Variants in UGP2 observed in about 807,000 individuals in gnomAD.
UGP2 encodes the protein UDP-glucose pyrophosphorylase 2.
Under a neutral mutation model 49.0 loss-of-function variants are expected in UGP2, and 40 were observed. The ratio of observed to expected loss-of-function variants is 0.82; its 90% CI spans 0.63 to 1.06. The LOEUF (loss-of-function observed/expected upper bound fraction) is 1.06. Among genes scored for constraint, UGP2 ranks in the 50% least tolerant of loss-of-function variants. The pLI is 0.00. For synonymous variants in UGP2, 225 were observed against 213.0 expected, an observed-to-expected ratio of 1.06 and a Z score of -0.49; for missense variants, 460 against 603.5, an observed-to-expected ratio of 0.76 and a Z score of 2.49.
intron 3 of UGP2, among the ~76,000 whole-genome samples, chr2:63,877,612 G>T (rs1670992359): frequency 6.6e-6 from 1 of 152,178 alleles, no homozygotes; most frequent in African/African-American, 2.4e-5. Flanking sequence ...GTGTGTCTCT[G>T]AACATCAGTT....
intron 3 of UGP2, among the ~76,000 whole-genome samples, chr2:63,870,763 G>A (rs898269673): frequency 6.6e-6 from 1 of 152,174 alleles, no homozygotes; most frequent in Non-Finnish European, 1.5e-5. Context: ...AATATGGTGG[G>A]GAGTATCAGG....
Position 63,891,229 on chromosome 2 carries a change from A to G in UGP2, c.*2A>G. 1.6e-5 allele frequency: 26 copies of G among 1,609,876 alleles called. No homozygotes were observed. The highest frequency in any genetic ancestry group is 2.2e-5 in the Non-Finnish European group (26 of 1,176,620). On this transcript the variant is annotated 3_prime_UTR_variant, in exon 10 of 10. Transcript: ENST00000337130. ...AACCTTCGCATCTTGGACCACTGAAATGAAAAATACTGTGGACACTTAAAT... is the reference window on the plus strand; with the variant it reads ...AACCTTCGCATCTTGGACCACTGAAGTGAAAAATACTGTGGACACTTAAAT...
intron 3 of UGP2, chr2:63,862,926 C>T (rs1369274926): frequency 2.2e-6 from 1 of 451,104 alleles, no homozygotes; most frequent in Non-Finnish European, 4.4e-6. Flanking sequence ...GTGACGTAAG[C>T]AGGTTGGTAT....
intron 9 of UGP2, among the ~76,000 whole-genome samples, 193 bp from the exon 10 acceptor site, chr2:63,890,927 A>G (rs1672098116): frequency 6.6e-6 from 1 of 152,160 alleles, no homozygotes; most frequent in South Asian, 2.1e-4. Context: ...ATCTAGAACT[A>G]CTGCCAGGAT....
chr2:63,887,772 T>C (rs943021149), intron 8 of UGP2, 128 bp downstream of exon 8: 24 of 1,245,684 alleles, frequency 1.9e-5, no homozygotes, highest in Admixed American at 1.2e-4. Context: ...CTGTCTTTGA[T>C]ACCTTTTAAA....
intron 1 of UGP2, among the ~76,000 whole-genome samples, chr2:63,843,797 C>CTAAA (rs1257826081): frequency 6.6e-6 from 1 of 152,214 alleles, no homozygotes; most frequent in African/African-American, 2.4e-5. Flanking sequence ...TTACTGTTAA[C>CTAAA]TAAAGGCTTT....
intron 3 of UGP2, among the ~76,000 whole-genome samples, chr2:63,877,469 C>T (rs1044744349): frequency 2.0e-5 from 3 of 152,204 alleles, no homozygotes; most frequent in Admixed American, 6.5e-5. Flanking sequence ...TGAATACTTT[C>T]TCATTTATAT....
chr2:63,881,352 C>CACACACACAT (rs756322329), intron 3 of UGP2, among the ~76,000 whole-genome samples: 1 of 141,818 alleles, frequency 7.1e-6, no homozygotes, highest in African/African-American at 2.6e-5. Flanking sequence ...ACCCATTACA[C>CACACACACAT]ACACACACAC....
chr2:63,881,167 A>G (rs1236546580), intron 3 of UGP2, among the ~76,000 whole-genome samples: 2 of 152,260 alleles, frequency 1.3e-5, no homozygotes, highest in African/African-American at 2.4e-5. Flanking sequence ...AGAAGAAATA[A>G]GAACCACAGA....
At chr2:63,888,336 A>G (rs971976885) in intron 8 of UGP2, 2 of 152,286 alleles carry the variant, frequency 1.3e-5, no homozygotes, top group African/African-American at 4.8e-5. Flanking sequence ...AAGCAGAACA[A>G]TGTGTAACAC....
At chr2:63,871,465 T>C (rs1461564107) in intron 3 of UGP2, among the ~76,000 whole-genome samples, 1 of 152,218 alleles carries the variant, frequency 6.6e-6, no homozygotes, top group Non-Finnish European at 1.5e-5. Context: ...TTTGTACTTT[T>C]AGTAGAGACG....
Position 63,882,642 on chromosome 2 carries a change from G to T in UGP2, c.432G>T (p.Gln144His), listed in dbSNP as rs1477211009. The T allele has an allele frequency of 3.2e-6, 5 of 1,562,044 alleles. No individual in the cohort carries two copies. In the South Asian group the frequency reaches 6.0e-5, roughly 19 times the overall value. ...NENTFLDLTV[Q>H]QIEHLNKTYN... is the part of the protein sequence containing the mutation. ...ATACCTTTCTGGATCTGACTGTTCA[G>T]CAAATTGAAGTGAGTAACATTTAGC... The change falls in exon 4 of 10, where the codon CAG becomes CAT. Residue 144 changes from glutamine to histidine, a missense_variant. Around this residue, in one of 2 missense-constraint regions of UGP2, gnomAD observed 317 missense variants for 473.0 expected, o/e 0.67. Transcript: ENST00000337130.
At position 63,883,990 on chromosome 2, in the gene UGP2, C is replaced by T. The variant is rs1300082445; in HGVS notation, c.472C>T (p.Pro158Ser). The T allele has an allele frequency of 1.9e-6, 3 of 1,612,256 alleles. No individual in the cohort carries two copies. In the Admixed American group the frequency reaches 5.0e-5, roughly 27 times the overall value. ...HLNKTYNTDV[P>S]LVLMNSFNTD... ...GAATAAAACCTACAATACAGATGTT[C>T]CTCTTGTTTTAATGAACTCTTTTAA... Residue 158 changes from proline to serine, a missense_variant, in exon 5 of 10, where the codon CCT becomes TCT. Pro to Ser is a moderately conservative substitution (Grantham distance 74, BLOSUM62 -1). Transcript: ENST00000337130.
intron 3 of UGP2, among the ~76,000 whole-genome samples, chr2:63,867,873 T>C (rs1480133099): frequency 6.6e-6 from 1 of 152,226 alleles, no homozygotes; most frequent in East Asian, 1.9e-4. Flanking sequence ...CTAACAAATT[T>C]TTGTTATTGC....
chr2:63,873,242 G>A (rs763096421), intron 3 of UGP2, among the ~76,000 whole-genome samples: 15 of 152,176 alleles, frequency 9.9e-5, no homozygotes, highest in Non-Finnish European at 1.8e-4. Context: ...AAATGGAATG[G>A]CAATTAAAGA....
intron 5 of UGP2, among the ~76,000 whole-genome samples, chr2:63,884,308 ACT>A (rs1306240575): frequency 6.6e-6 from 1 of 151,830 alleles, no homozygotes; most frequent in East Asian, 1.9e-4. Context: ...TCTGCTTGAG[ACT>A]CTGTTCCATG....
chr2:63,841,339 G>C (rs1671519855), upstream of UGP2: 1 of 151,782 alleles, frequency 6.6e-6, no homozygotes, highest in Non-Finnish European at 1.5e-5. Flanking sequence ...CTCGGAGGCG[G>C]AATTTGGGCT....
At chr2:63,850,202 GT>G (rs921464435) in intron 1 of UGP2, among the ~76,000 whole-genome samples, 10 of 151,552 alleles carry the variant, frequency 6.6e-5, no homozygotes, top group African/African-American at 2.2e-4. Context: ...AATTGTAGCA[GT>G]TTTTTTTTAA....
intron 3 of UGP2, among the ~76,000 whole-genome samples, chr2:63,879,085 A>T (rs1298327001): frequency 1.3e-5 from 2 of 152,194 alleles, no homozygotes; most frequent in African/African-American, 4.8e-5. Context: ...TCAAAATTAA[A>T]CATGGTTCCT....
Sources: allele counts gnomAD v4.1 joint callset (sites outside exome capture counted in the v4.1 genomes callset), GRCh38; gene constraint gnomAD v4.1.1; regional missense constraint gnomAD v4.1.1; transcripts MANE v1.5; gene names NCBI Gene and HGNC (gene_info 2026-07-23, HGNC 2026-07-21).